The following CHN2 variants were observed in gnomAD, a reference collection of about 807,000 sequenced individuals.
CHN2 encodes chimerin 2, also known as beta-chimaerin.
CHN2 carries 35 observed loss-of-function variants against 56.3 expected under a neutral mutation model. The observed-to-expected ratio is 0.62, with a 90% CI of 0.47 to 0.82. CHN2 has a LOEUF of 0.82. CHN2 is among the 40% of genes least tolerant of loss of function. CHN2 has a pLI of 0.00. For synonymous variants in CHN2, 210 were observed against 212.8 expected (o/e 0.99, Z 0.12); for missense variants, 491 against 580.5 (o/e 0.85, Z 1.58).
At chr7:29,162,482 A>G (rs1229071049) in intron 2 of CHN2, among the ~76,000 whole-genome samples, 1 of 152,036 alleles carries the variant, frequency 6.6e-6, no homozygotes, top group Non-Finnish European at 1.5e-5. Flanking sequence ...ACCAACATGG[A>G]GAAGCCCCAT....
chr7:29,503,100 T>C (rs1790153149), intron 9 of CHN2, among the ~76,000 whole-genome samples: 1 of 152,130 alleles, frequency 6.6e-6, no homozygotes, highest in Non-Finnish European at 1.5e-5. Flanking sequence ...AATTTACATA[T>C]TGAAGCCCTA....
At chr7:29,230,594 G>A (rs1444339595) in intron 1 of CHN2, among the ~76,000 whole-genome samples, 19 of 152,190 alleles carry the variant, frequency 1.2e-4, no homozygotes, top group Admixed American at 1.2e-3. Context: ...GCCTGCTTCA[G>A]CCTCTCAAAG....
At chr7:29,495,733 C>G (rs565986736) in intron 7 of CHN2, among the ~76,000 whole-genome samples, 1 of 152,186 alleles carries the variant, frequency 6.6e-6, no homozygotes, top group African/African-American at 2.4e-5. Flanking sequence ...TGTTTCTCCA[C>G]GTTCCTTTCT....
At chr7:29,411,152 A>G (rs1457287889) in intron 6 of CHN2, among the ~76,000 whole-genome samples, 1 of 152,174 alleles carries the variant, frequency 6.6e-6, no homozygotes, top group African/African-American at 2.4e-5. Context: ...CTGTGTCATC[A>G]GGAAACAGTT....
intron 3 of CHN2, among the ~76,000 whole-genome samples, chr7:29,381,180 C>T (rs912345394): frequency 6.6e-6 from 1 of 152,044 alleles, no homozygotes; most frequent in Non-Finnish European, 1.5e-5. Flanking sequence ...ACAAGTCAGC[C>T]CATCATGTTT....
intron 6 of CHN2, among the ~76,000 whole-genome samples, chr7:29,457,209 A>G (rs952779939): frequency 1.3e-5 from 2 of 152,168 alleles, no homozygotes; most frequent in African/African-American, 4.8e-5. Flanking sequence ...GGCTTCCTTC[A>G]GGCTGTACCT....
At chr7:29,310,199 A>G (rs528976389) in intron 1 of CHN2, among the ~76,000 whole-genome samples, 2 of 152,384 alleles carry the variant, frequency 1.3e-5, no homozygotes, top group East Asian at 3.8e-4. Flanking sequence ...ATGTTCAGTA[A>G]TAGAAAAAAA....
chr7:29,413,342 GAAGT>G (rs749447290), intron 6 of CHN2, among the ~76,000 whole-genome samples: 3 of 152,234 alleles, frequency 2.0e-5, no homozygotes, highest in Non-Finnish European at 4.4e-5. Context: ...TTGAGGATTA[GAAGT>G]AAGACACAGA....
chr7:29,292,499 G>A (rs1042916542), intron 1 of CHN2, among the ~76,000 whole-genome samples: 4 of 152,216 alleles, frequency 2.6e-5, no homozygotes, highest in Non-Finnish European at 5.9e-5. Context: ...ATTCACCCCT[G>A]CCAATTGGCA....
intron 1 of CHN2, among the ~76,000 whole-genome samples, chr7:29,202,348 T>G (rs780695048): frequency 6.6e-6 from 1 of 152,188 alleles, no homozygotes; most frequent in Non-Finnish European, 1.5e-5. Context: ...TAAAGTTAGC[T>G]TTTGGAATTT....
At chr7:29,367,894 C>A in intron 2 of CHN2, 38 bp from the exon 3 acceptor site, 2 of 1,573,846 alleles carry the variant, frequency 1.3e-6, no homozygotes, top group Non-Finnish European at 1.7e-6. Context: ...TATTCTAATT[C>A]TAATTATTTC....
chr7:29,382,804 G>A (rs1175515285), intron 3 of CHN2, among the ~76,000 whole-genome samples: 1 of 152,140 alleles, frequency 6.6e-6, no homozygotes, highest in Non-Finnish European at 1.5e-5. Flanking sequence ...GCCAGGCTAA[G>A]GCATAGAGAG....
At chr7:29,246,855 A>C (rs1388334861) in intron 1 of CHN2, among the ~76,000 whole-genome samples, 2 of 152,082 alleles carry the variant, frequency 1.3e-5, no homozygotes, top group Non-Finnish European at 2.9e-5. Flanking sequence ...ATAGGCACTA[A>C]TCCTGTAATG....
chr7:29,202,926 C>T (rs1195125283), intron 1 of CHN2, among the ~76,000 whole-genome samples: 2 of 152,162 alleles, frequency 1.3e-5, no homozygotes, highest in Non-Finnish European at 2.9e-5. Flanking sequence ...AGATCTCCTG[C>T]AGCATGTGTC....
At chr7:29,418,083 G>A (rs148046887) in intron 6 of CHN2, among the ~76,000 whole-genome samples, 1 of 152,246 alleles carries the variant, frequency 6.6e-6, no homozygotes, top group African/African-American at 2.4e-5. Context: ...TTGCTGGAGC[G>A]CCTTGTTGGT....
At chr7:29,368,714 G>C (rs901602916) in intron 3 of CHN2, among the ~76,000 whole-genome samples, 5 of 152,136 alleles carry the variant, frequency 3.3e-5, no homozygotes, top group Non-Finnish European at 7.4e-5. Flanking sequence ...CAACACTCTT[G>C]AGATTCACTC....
At chr7:29,211,133 C>A (rs1035623235) in intron 1 of CHN2, among the ~76,000 whole-genome samples, 4 of 151,746 alleles carry the variant, frequency 2.6e-5, no homozygotes, top group South Asian at 2.1e-4. Flanking sequence ...TGCAGTGGCG[C>A]GATCTCGGCT....
In CHN2 at chr7:29,174,728, C is replaced by T. The variant is rs528897212; in HGVS notation, c.274+27768C>T. Among the ~76,000 whole-genome samples the T allele has an allele frequency of 4.6e-5, 7 of 152,074 alleles. No homozygotes were observed. In the East Asian group the frequency reaches 7.8e-4, roughly 17 times the overall value. On this transcript the variant is annotated intron_variant, in intron 2 of 6. Transcript: ENST00000439384. ...ATACAAAATTAGCTGGGCACGGTGG[C>T]ACACACCTGTAATCCCAGCTACTTG...
chr7:29,255,549 T>C (rs73684637), intron 1 of CHN2, among the ~76,000 whole-genome samples: 5,684 of 152,276 alleles, frequency 0.037, 338 homozygotes, highest in African/African-American at 0.13. Flanking sequence ...TCTTTTTCTC[T>C]TGTCTTTCTT....
Sources: allele counts gnomAD v4.1 joint callset (sites outside exome capture counted in the v4.1 genomes callset), GRCh38; gene constraint gnomAD v4.1.1; transcripts MANE v1.5; gene names NCBI Gene and HGNC (gene_info 2026-07-23, HGNC 2026-07-21).